Variants in TMEM132C observed in about 807,000 individuals in gnomAD.
The protein encoded by TMEM132C is protein phosphatase 1, regulatory subunit 152.
Under a neutral mutation model 61.4 loss-of-function variants are expected in TMEM132C, and 29 were observed. The observed-to-expected ratio is 0.47, with a 90% CI of 0.35 to 0.64. TMEM132C has a LOEUF of 0.64. Among genes scored for constraint, TMEM132C ranks in the 30% least tolerant of loss-of-function variants. The pLI, the probability that TMEM132C is intolerant of heterozygous loss-of-function variation, is 0.00. For synonymous variants in TMEM132C, 656 were observed against 633.1 expected (o/e 1.04, Z -0.54); for missense variants, 1,408 against 1,476.9 (o/e 0.95, Z 0.76).
At chr12:128,388,216 G>GGCCA (rs1874648120) in intron 1 of TMEM132C, among the ~76,000 whole-genome samples, 1 of 152,176 alleles carries the variant, frequency 6.6e-6, no homozygotes, top group Non-Finnish European at 1.5e-5. Flanking sequence ...GAGAATACAG[G>GGCCA]GCCAGGCAGG....
chr12:128,682,703 T>C (rs1415383374), intron 5 of TMEM132C, among the ~76,000 whole-genome samples: 2 of 152,204 alleles, frequency 1.3e-5, no homozygotes, highest in Non-Finnish European at 2.9e-5. Flanking sequence ...GGGAGTGGTG[T>C]GCACACACTC....
At chr12:128,421,298 T>C (rs1045801840) in intron 2 of TMEM132C, among the ~76,000 whole-genome samples, 2 of 152,222 alleles carry the variant, frequency 1.3e-5, no homozygotes, top group East Asian at 3.8e-4. Context: ...ATATCATCCA[T>C]ATCTCTCCAG....
chr12:128,300,140 C>T lies in TMEM132C; in HGVS notation c.85+32653C>T, dbSNP rs74894455. ...AGCCATAAGCGTAAGCCAAAGTCTG[C>T]GGGGTGGCTCCAGTGACTTTTTGTT... On this transcript the variant is annotated intron_variant, in intron 1 of 8. Transcript: ENST00000435159. Among the ~76,000 whole-genome samples the T allele has an allele frequency of 8.3e-3, 1,259 of 152,254 alleles. 19 individuals carry two copies. Among genetic ancestry groups the T allele is most frequent in the African/African-American group, 0.028 (1,153 of 41,542 alleles).
At chr12:128,597,554 G>A (rs1876018326) in intron 3 of TMEM132C, among the ~76,000 whole-genome samples, 1 of 152,250 alleles carries the variant, frequency 6.6e-6, no homozygotes. Context: ...CTGGAAGCTA[G>A]AACAAAGGAA....
At chr12:128,507,203 G>C (rs149257879) in intron 2 of TMEM132C, among the ~76,000 whole-genome samples, 1 of 152,184 alleles carries the variant, frequency 6.6e-6, no homozygotes, top group African/African-American at 2.4e-5. Context: ...CACACCCCGG[G>C]TGACCGCTGT....
At chr12:128,519,169 CT>C (rs1201122263) in intron 2 of TMEM132C, among the ~76,000 whole-genome samples, 1 of 152,210 alleles carries the variant, frequency 6.6e-6, no homozygotes, top group Non-Finnish European at 1.5e-5. Context: ...TCCTGGAGAA[CT>C]TTCCACATTA....
At position 128,706,176 on chromosome 12, in the gene TMEM132C, ACGGTG is replaced by A. The variant is rs1346530926; in HGVS notation, c.3209_3213del (p.Thr1070LysfsTer8). 1.9e-6 allele frequency: 3 copies of A among 1,551,192 alleles called. No homozygotes were observed. Among genetic ancestry groups the A allele is most frequent in the East Asian group, 2.4e-5 (1 of 40,876 alleles). ...CATCCCCCCGGACGACAGCTGCCCC[ACGGTG>A]AACTCCATCGTCAGCAGCAATGATG... On this transcript the variant is annotated frameshift_variant, in exon 9 of 9. Coordinates refer to ENST00000435159, the MANE Select transcript of TMEM132C (RefSeq NM_001136103.3). LOFTEE classifies it low-confidence loss of function (END_TRUNC).
rs757524969 is a variant in TMEM132C at position 128,705,437 on chromosome 12, C to T, written c.2469C>T (p.Asp823=). The change falls in exon 9 of 9, where the codon GAC becomes GAT. Residue 823 remains aspartate, a synonymous_variant. Coordinates refer to ENST00000435159, the MANE Select transcript of TMEM132C (RefSeq NM_001136103.3). ...ATGAGATCAAGAACCACGCCAGCGACCGCCGGCAGAAGGGCCAGCACCATG... is the reference window on the plus strand; with the variant it reads ...ATGAGATCAAGAACCACGCCAGCGATCGCCGGCAGAAGGGCCAGCACCATG... The part of the protein sequence containing the change: ...EEDEIKNHAS[D]RRQKGQHHER... 21 of 1,550,914 alleles carry T rather than the reference C, an allele frequency of 1.4e-5. No homozygotes were observed. The highest frequency in any genetic ancestry group is 1.7e-4 in the Middle Eastern group (1 of 6,012).
intron 1 of TMEM132C, among the ~76,000 whole-genome samples, chr12:128,337,348 G>T (rs1872817344): frequency 6.6e-6 from 1 of 152,166 alleles, no homozygotes; most frequent in Non-Finnish European, 1.5e-5. Flanking sequence ...GCGGGGACTC[G>T]TGTTGTGTTC....
At chr12:128,315,418 C>T (rs1265305723) in intron 1 of TMEM132C, among the ~76,000 whole-genome samples, 2 of 152,022 alleles carry the variant, frequency 1.3e-5, no homozygotes, top group African/African-American at 2.4e-5. Context: ...AAATTAGAGG[C>T]TAGCTGAGTT....
chr12:128,679,323 A>G (rs899957109), intron 5 of TMEM132C, among the ~76,000 whole-genome samples: 1 of 152,208 alleles, frequency 6.6e-6, no homozygotes, highest in African/African-American at 2.4e-5. Context: ...ATGCTGCATA[A>G]CAAAACAACC....
chr12:128,396,119 A>G (rs1410737980), intron 1 of TMEM132C, among the ~76,000 whole-genome samples: 1 of 152,194 alleles, frequency 6.6e-6, no homozygotes, highest in East Asian at 1.9e-4. Flanking sequence ...GTGTTTCTCT[A>G]AAGTTCTGTG....
chr12:128,531,203 A>G (rs1873285597), intron 2 of TMEM132C, among the ~76,000 whole-genome samples: 1 of 152,256 alleles, frequency 6.6e-6, no homozygotes, highest in Admixed American at 6.5e-5. Flanking sequence ...AGAAGTAGCA[A>G]CAATGCTTAG....
chr12:128,574,422 A>AT (rs1445029019), intron 3 of TMEM132C, among the ~76,000 whole-genome samples: 1 of 152,228 alleles, frequency 6.6e-6, no homozygotes, highest in Non-Finnish European at 1.5e-5. Flanking sequence ...AACCGTTATT[A>AT]TCTCCTGTTT....
intron 5 of TMEM132C, 70 bp downstream of exon 5, chr12:128,669,630 C>CA (rs1339175104): frequency 2.6e-6 from 4 of 1,514,068 alleles, no homozygotes; most frequent in Non-Finnish European, 2.7e-6. Flanking sequence ...TTGCTAGGGA[C>CA]ATTTAGACTG....
Position 128,326,392 on chromosome 12 carries a change from T to C in TMEM132C, c.85+58905T>C, listed in dbSNP as rs1450245353. ...CTGCCAGATCTGCTGGAGAAAATTA[T>C]AAAGATGAATACTTCTGAGCCTTTG... On this transcript the variant is annotated intron_variant, in intron 1 of 8. Transcript: ENST00000435159. This position sits in a 1 kb window ranked among gnomAD's most constrained non-coding sequence, Gnocchi z 5.6. 6.6e-6 allele frequency among the ~76,000 whole-genome samples: 1 copy of C among 152,146 alleles called. No homozygotes were observed. Among genetic ancestry groups the C allele is most frequent in the Non-Finnish European group, 1.5e-5 (1 of 68,034 alleles).
chr12:128,475,777 C>G (rs2136085995), intron 2 of TMEM132C, among the ~76,000 whole-genome samples: 1 of 152,288 alleles, frequency 6.6e-6, no homozygotes, highest in East Asian at 1.9e-4. Flanking sequence ...CGTCAGGGTT[C>G]TGTGTGTAAC....
chr12:128,374,857 G>GT (rs1874139159), intron 1 of TMEM132C, among the ~76,000 whole-genome samples: 1 of 150,802 alleles, frequency 6.6e-6, no homozygotes, highest in African/African-American at 2.5e-5. Flanking sequence ...GAGGGTGGAG[G>GT]TTGCAGTGAG....
At chr12:128,443,497 G>T (rs1258359175) in intron 2 of TMEM132C, among the ~76,000 whole-genome samples, 3 of 152,150 alleles carry the variant, frequency 2.0e-5, no homozygotes, top group Non-Finnish European at 4.4e-5. Flanking sequence ...AGGCATTTAT[G>T]ATACTATTCT....
Sources: gnomAD v4.1 joint callset for allele counts (sites outside exome capture counted in the v4.1 genomes callset) on GRCh38, gnomAD v4.1.1 for gene constraint, Gnocchi (gnomAD v3.1) non-coding constraint, MANE v1.5 for transcripts, NCBI Gene and HGNC (gene_info 2026-07-23, HGNC 2026-07-21) for gene names.